The following CAPN3 variants were observed in gnomAD, a reference collection of about 807,000 sequenced individuals.
The protein encoded by CAPN3 is calpain-3.
A neutral mutation model predicts 114.0 loss-of-function variants in CAPN3; 88 were observed. The observed-to-expected ratio is 0.77, with a 90% CI of 0.65 to 0.92. The LOEUF (loss-of-function observed/expected upper bound fraction) is 0.92. Among genes scored for constraint, CAPN3 ranks in the 40% least tolerant of loss-of-function variants. The probability of loss-of-function intolerance (pLI) is 0.00; values close to 1 mark genes in which losing one functional copy is unlikely to be tolerated. For synonymous variants in CAPN3, 386 were observed against 382.9 expected, an observed-to-expected ratio of 1.01 and a Z score of -0.09; for missense variants, 1,028 against 1,069.0, an observed-to-expected ratio of 0.96 and a Z score of 0.53.
intron 1 of CAPN3, among the ~76,000 whole-genome samples, chr15:42,364,621 C>T (rs538747736): frequency 1.3e-5 from 2 of 152,306 alleles, no homozygotes; most frequent in South Asian, 4.1e-4. Context: ...TAGGGCAATT[C>T]TAGTTATCTA....
intron 18 of CAPN3, 38 bp downstream of exon 18, chr15:42,409,882 G>GGGGGGGGC: frequency 1.8e-6 from 1 of 549,084 alleles, no homozygotes; most frequent in Non-Finnish European, 3.6e-6. Flanking sequence ...GGGTGGGTGG[G>GGGGGGGGC]GAGTCCCGTT....
rs1566977110 is a variant in CAPN3 at position 42,392,703 on chromosome 15, C to G, written c.1010C>G (p.Ser337Cys). The G allele has an allele frequency of 1.9e-6, 3 of 1,613,926 alleles. No individual in the cohort carries two copies. ...GGGCTGGTCAGAGGTCACGCCTACT[C>G]TGTCACGGGGCTGGATGAGGTAAGC... The part of the protein sequence containing the change: ...ACGLVRGHAY[S>C]VTGLDEVPFK... The change falls in exon 7 of 24, where the codon TCT (serine) becomes TGT (cysteine). Residue 337 changes from serine to cysteine, a missense_variant. Transcript: ENST00000397163.
At chr15:42,398,634 C>CAT (rs1156434789) in intron 9 of CAPN3, among the ~76,000 whole-genome samples, 11 of 124,004 alleles carry the variant, frequency 8.9e-5, no homozygotes, top group East Asian at 6.9e-4. Flanking sequence ...CACACACACA[C>CAT]ATATATATAC....
At position 42,408,035 on chromosome 15, in the gene CAPN3, T is replaced by G. The variant is rs201512384; in HGVS notation, c.1801-176T>G. ...GAGTGGGTATGAAAAGATAAAGAAC[T>G]GAAGTCACACGGCTTGTCAGTGGCA... On this transcript the variant is annotated intron_variant, in intron 15 of 23. Coordinates refer to ENST00000397163, the MANE Select transcript of CAPN3 (RefSeq NM_000070.3). Among the ~76,000 whole-genome samples, 23 of 152,304 alleles carry G rather than the reference T, an allele frequency of 1.5e-4. No homozygotes were observed. In the East Asian group the frequency reaches 4.4e-3, roughly 29 times the overall value.
At chr15:42,368,177 A>T (rs2052837651) in intron 1 of CAPN3, among the ~76,000 whole-genome samples, 1 of 152,216 alleles carries the variant, frequency 6.6e-6, no homozygotes, top group Admixed American at 6.5e-5. Context: ...TTGTGGGCAT[A>T]CACAGAGCTG....
intron 8 of CAPN3, among the ~76,000 whole-genome samples, chr15:42,394,949 C>G (rs2053650187): frequency 6.6e-6 from 1 of 152,200 alleles, no homozygotes; most frequent in Admixed American, 6.5e-5. Context: ...CTGATTACCT[C>G]CACTGAATGA....
At chr15:42,403,687 C>A (rs2053940487) in intron 13 of CAPN3, 54 bp from the exon 14 acceptor site, 2 of 1,533,634 alleles carry the variant, frequency 1.3e-6, no homozygotes, top group South Asian at 2.2e-5. Flanking sequence ...CGTCCACGGG[C>A]CTCCTGCTTG....
chr15:42,362,156 G>A (rs1032167794), intron 1 of CAPN3, among the ~76,000 whole-genome samples: 9 of 152,194 alleles, frequency 5.9e-5, no homozygotes, highest in Non-Finnish European at 4.4e-5. Context: ...GCTCATGCCT[G>A]TAATCCTAGC....
At chr15:42,395,036 G>A (rs1207626310) in intron 8 of CAPN3, among the ~76,000 whole-genome samples, 1 of 152,164 alleles carries the variant, frequency 6.6e-6, no homozygotes. Context: ...TAGAGGAGAA[G>A]GACCGCACCC....
At chr15:42,394,775 T>A (rs1418729193) in intron 8 of CAPN3, among the ~76,000 whole-genome samples, 1 of 152,162 alleles carries the variant, frequency 6.6e-6, no homozygotes, top group African/African-American at 2.4e-5. Flanking sequence ...TTGCTAAGAT[T>A]CCCTTACCCG....
At chr15:42,374,794 C>CTTTT (rs66487749) in intron 1 of CAPN3, among the ~76,000 whole-genome samples, 28 of 85,436 alleles carry the variant, frequency 3.3e-4, no homozygotes, top group South Asian at 4.7e-4. Context: ...TATCATGTCT[C>CTTTT]TTTTTTTTTT....
rs759721684 is a variant in CAPN3 at position 42,409,819 on chromosome 15, G to C, written c.2025G>C (p.Lys675Asn). 3 of 1,511,078 alleles carry C rather than the reference G, an allele frequency of 2.0e-6. No individual in the cohort carries two copies. The highest frequency in any genetic ancestry group is 2.7e-6 in the Non-Finnish European group (3 of 1,117,256). 93.6% of individuals were successfully genotyped at this position (1,511,078 alleles called of 1,614,324 possible). A position where few individuals can be genotyped will look rare whatever the true frequency, so the allele number is the denominator to read the frequency against. Reference protein sequence around the residue: ...DMEICADELKKVLNTVVNKHK... With the variant: ...DMEICADELKNVLNTVVNKHK... ...AGATCTGTGCAGATGAGCTCAAGAA[G>C]GTCCTTAACACAGTCGTGAACAAAC... Residue 675 changes from lysine to asparagine, a missense_variant, in exon 18 of 24, where the codon AAG (lysine) becomes AAC (asparagine). Coordinates refer to ENST00000397163, the MANE Select transcript of CAPN3 (RefSeq NM_000070.3).
At chr15:42,399,193 G>A (rs1011933669) in intron 9 of CAPN3, among the ~76,000 whole-genome samples, 5 of 152,012 alleles carry the variant, frequency 3.3e-5, no homozygotes, top group Admixed American at 2.0e-4. Context: ...ACCACTGTCT[G>A]CTCTCTACTT....
rs745835262 is a variant in CAPN3, at chr15:42,402,923, A to G, written c.1666A>G (p.Ile556Val). The change falls in exon 13 of 24, where the codon ATC becomes GTC. Residue 556 changes from isoleucine (I) to valine (V), a missense_variant. Ile to Val is a conservative substitution (Grantham distance 29). Coordinates refer to ENST00000397163, the MANE Select transcript of CAPN3 (RefSeq NM_000070.3). ...RFRLPPSEYV[I>V]VPSTYEPHQE... ...CCGCCTGCCTCCCAGCGAGTACGTCATCGTGCCCTCCACCTACGAGCCCCA... is the reference window on the plus strand; with the variant it reads ...CCGCCTGCCTCCCAGCGAGTACGTCGTCGTGCCCTCCACCTACGAGCCCCA... The G allele has an allele frequency of 1.9e-6, 3 of 1,614,190 alleles. No homozygotes were observed. The highest frequency in any genetic ancestry group is 2.5e-6 in the Non-Finnish European group (3 of 1,180,020).
intron 1 of CAPN3, among the ~76,000 whole-genome samples, chr15:42,366,808 C>G (rs940978965): frequency 1.3e-5 from 2 of 151,118 alleles, no homozygotes; most frequent in Admixed American, 6.6e-5. Context: ...CGACCCGACC[C>G]TCACAGAATT....
chr15:42,376,257 C>T (rs1162982379), intron 1 of CAPN3, among the ~76,000 whole-genome samples: 1 of 152,176 alleles, frequency 6.6e-6, no homozygotes, highest in Non-Finnish European at 1.5e-5. Flanking sequence ...GGAAGCAAGA[C>T]ACTAAGCATA....
Position 42,401,741 on chromosome 15 carries a change from G to T in CAPN3, c.1455G>T (p.Met485Ile), listed in dbSNP as rs2141199672. The T allele has an allele frequency of 6.2e-7, 1 of 1,614,184 alleles. No individual in the cohort carries two copies. Among genetic ancestry groups the T allele is most frequent in the East Asian group, 2.2e-5 (1 of 44,876 alleles). Residue 485 changes from methionine (M) to isoleucine (I), a missense_variant, in exon 11 of 24, where the codon ATG becomes ATT. Physicochemically the swap from Met to Ile is conservative, Grantham distance 10. Coordinates refer to ENST00000397163, the MANE Select transcript of CAPN3 (RefSeq NM_000070.3). ...EVICSFLVAL[M>I]QKNRRKDRKL... ...TTTGCAGCTTCCTGGTGGCCCTGAT[G>T]CAGAAGAACCGGCGGAAGGACCGGA... is the stretch of plus-strand genomic sequence containing the variant.
chr15:42,371,918 C>T (rs971934471), intron 1 of CAPN3, among the ~76,000 whole-genome samples: 1 of 151,336 alleles, frequency 6.6e-6, no homozygotes, highest in Non-Finnish European at 1.5e-5. Context: ...GAGCCAAAAT[C>T]CTAGTACTGC....
chr15:42,411,616 C>G (rs2054240059), intron 23 of CAPN3, 131 bp from the exon 24 acceptor site: 1 of 753,228 alleles, frequency 1.3e-6, no homozygotes. Flanking sequence ...GCCACTGCTT[C>G]TTGGAAAATC....
Sources: allele counts gnomAD v4.1 joint callset (sites outside exome capture counted in the v4.1 genomes callset), GRCh38; gene constraint gnomAD v4.1.1; transcripts MANE v1.5; gene names NCBI Gene and HGNC (gene_info 2026-07-23, HGNC 2026-07-21).